EDIL3: variants seen among roughly 807,000 people sequenced by gnomAD.
EDIL3 encodes EGF like and discoidin domains 3.
In EDIL3, 37 loss-of-function variants were observed where a neutral mutation model predicts 67.4. The ratio of observed to expected loss-of-function variants is 0.55; its 90% CI spans 0.42 to 0.72. EDIL3 has a LOEUF of 0.72. Among genes scored for constraint, EDIL3 ranks in the 30% least tolerant of loss-of-function variants. EDIL3 has a pLI of 0.00. For missense variants in EDIL3, 527 were observed against 586.3 expected, an observed-to-expected ratio of 0.90 and a Z score of 1.04; for synonymous variants, 195 against 196.3, an observed-to-expected ratio of 0.99 and a Z score of 0.05.
rs78483809 is a variant in EDIL3 at position 84,166,373 on chromosome 5, TTTTG to T, written c.355+14016_355+14019del. ...TGTTCTCCCTTGTTGTTCTCCCTTG[TTTTG>T]TTTGTTTGTTTGTCTTTTTCAAAGC... is the stretch of plus-strand genomic sequence containing the variant. On this transcript the variant is annotated intron_variant, in intron 4 of 10. Coordinates refer to ENST00000296591, the MANE Select transcript of EDIL3 (RefSeq NM_005711.5). Among the ~76,000 whole-genome samples the T allele has an allele frequency of 9.4e-3, 1,427 of 152,270 alleles. 15 individuals are homozygous for T. The highest frequency in any genetic ancestry group is 0.025 in the African/African-American group (1,027 of 41,558).
intron 1 of EDIL3, among the ~76,000 whole-genome samples, chr5:84,340,544 A>C (rs111784857): frequency 0.18 from 13,948 of 77,218 alleles, 1,016 homozygotes; most frequent in Non-Finnish European, 0.22. Flanking sequence ...CTATATATAT[A>C]TATATATATA....
chr5:84,045,161 G>A (rs748760219), intron 9 of EDIL3, among the ~76,000 whole-genome samples: 1 of 152,148 alleles, frequency 6.6e-6, no homozygotes, highest in African/African-American at 2.4e-5. Context: ...ATTACCATGA[G>A]AGAGGTATGA....
At chr5:84,201,047 T>G (rs1303882524) in intron 3 of EDIL3, among the ~76,000 whole-genome samples, 2 of 152,112 alleles carry the variant, frequency 1.3e-5, no homozygotes, top group Non-Finnish European at 2.9e-5. Context: ...CTTTTTAAAA[T>G]TAATGATACA....
chr5:84,017,032 C>T (rs980198518), intron 9 of EDIL3, among the ~76,000 whole-genome samples: 5 of 152,148 alleles, frequency 3.3e-5, no homozygotes, highest in Non-Finnish European at 5.9e-5. Flanking sequence ...TCTCAGTTTC[C>T]TCGTGTACAA....
intron 5 of EDIL3, among the ~76,000 whole-genome samples, chr5:84,133,491 C>T (rs1270624602): frequency 1.4e-5 from 2 of 144,550 alleles, no homozygotes; most frequent in East Asian, 2.0e-4. Context: ...AAAAAAATAG[C>T]CAGGAGTGGT....
At chr5:84,350,180 TCCTAAAA>T (rs1747326349) in intron 1 of EDIL3, among the ~76,000 whole-genome samples, 1 of 152,098 alleles carries the variant, frequency 6.6e-6, no homozygotes, top group South Asian at 2.1e-4. Flanking sequence ...TATATTAAAT[TCCTAAAA>T]ATCTTATGCC....
chr5:83,957,801 C>T (rs577808814), intron 10 of EDIL3, among the ~76,000 whole-genome samples: 2 of 151,654 alleles, frequency 1.3e-5, no homozygotes, highest in South Asian at 4.2e-4. Flanking sequence ...CGGATTAAAT[C>T]AAAATTTTTC....
At chr5:84,248,918 A>G (rs1047174424) in intron 2 of EDIL3, among the ~76,000 whole-genome samples, 3 of 152,042 alleles carry the variant, frequency 2.0e-5, no homozygotes, top group African/African-American at 7.2e-5. Flanking sequence ...ATTGCCTTCA[A>G]ATTGTCCCCC....
intron 6 of EDIL3, among the ~76,000 whole-genome samples, chr5:84,098,052 T>C (rs554951654): frequency 2.3e-4 from 35 of 151,288 alleles, no homozygotes; most frequent in African/African-American, 8.2e-4. Context: ...AATTATTAGT[T>C]GGAAAAAATC....
intron 9 of EDIL3, among the ~76,000 whole-genome samples, chr5:83,994,303 T>C (rs958449814): frequency 6.6e-6 from 1 of 152,126 alleles, no homozygotes; most frequent in Non-Finnish European, 1.5e-5. Flanking sequence ...GAGATTTTGA[T>C]TACTTTATCA....
chr5:84,224,539 T>A (rs1185388598), intron 3 of EDIL3, among the ~76,000 whole-genome samples: 1 of 151,456 alleles, frequency 6.6e-6, no homozygotes, highest in Non-Finnish European at 1.5e-5. Context: ...TAAATGAAAA[T>A]TGGATTTGTG....
intron 4 of EDIL3, among the ~76,000 whole-genome samples, chr5:84,177,424 T>C (rs1465527620): frequency 6.6e-6 from 1 of 151,894 alleles, no homozygotes; most frequent in Non-Finnish European, 1.5e-5. Context: ...GTGGCAAAGG[T>C]TGAGAGAAGT....
chr5:84,180,652 TG>T, intron 3 of EDIL3, 131 bp from the exon 4 acceptor site: 3 of 1,049,134 alleles, frequency 2.9e-6, no homozygotes, highest in Non-Finnish European at 3.9e-6. Context: ...ATGTACTGGT[TG>T]TATGAGCTCT....
intron 4 of EDIL3, among the ~76,000 whole-genome samples, chr5:84,152,833 A>G (rs187836193): frequency 6.6e-6 from 1 of 152,316 alleles, no homozygotes; most frequent in Non-Finnish European, 1.5e-5. Flanking sequence ...TATTTTAAAT[A>G]TTTTTGTAAA....
intron 9 of EDIL3, among the ~76,000 whole-genome samples, chr5:84,020,675 T>C (rs534728058): frequency 6.6e-6 from 1 of 152,090 alleles, no homozygotes; most frequent in East Asian, 1.9e-4. Context: ...GATTTATCTA[T>C]CTACATAGCA....
intron 9 of EDIL3, among the ~76,000 whole-genome samples, chr5:83,966,027 A>G (rs1344353653): frequency 6.6e-6 from 1 of 152,106 alleles, no homozygotes; most frequent in Non-Finnish European, 1.5e-5. Context: ...TTCGCCATGT[A>G]GAATGATTCT....
intron 3 of EDIL3, among the ~76,000 whole-genome samples, chr5:84,228,757 C>CT (rs1744501113): frequency 6.6e-6 from 1 of 152,056 alleles, no homozygotes; most frequent in South Asian, 2.1e-4. Flanking sequence ...GAATTTACTC[C>CT]TACAGGTAAA....
At chr5:84,104,123 G>A (rs1747415938) in intron 6 of EDIL3, among the ~76,000 whole-genome samples, 1 of 151,954 alleles carries the variant, frequency 6.6e-6, no homozygotes, top group African/African-American at 2.4e-5. Context: ...GTGGGAACAG[G>A]AAACCAAATA....
At chr5:84,319,010 C>T (rs1420488881) in intron 1 of EDIL3, among the ~76,000 whole-genome samples, 9 of 152,240 alleles carry the variant, frequency 5.9e-5, no homozygotes, top group African/African-American at 1.9e-4. Context: ...ACAGACACTA[C>T]TCAAAAGAAG....
Sources: gnomAD v4.1 joint callset for allele counts (sites outside exome capture counted in the v4.1 genomes callset) on GRCh38, gnomAD v4.1.1 for gene constraint, MANE v1.5 for transcripts, NCBI Gene and HGNC (gene_info 2026-07-23, HGNC 2026-07-21) for gene names.